The following CDH8 variants were observed in gnomAD, a reference collection of about 807,000 sequenced individuals.
CDH8 encodes cadherin-8.
In CDH8, 17 loss-of-function variants were observed where a neutral mutation model predicts 68.1. That is an observed-to-expected ratio of 0.25 (90% CI 0.17 to 0.37). The LOEUF is 0.37. CDH8 is among the 10% of genes least tolerant of loss of function. The pLI, the probability that CDH8 is intolerant of heterozygous loss-of-function variation, is 1.00. For missense variants in CDH8, 763 were observed against 999.3 expected (o/e 0.76, Z 3.19); for synonymous variants, 372 against 365.1 (o/e 1.02, Z -0.21).
At chr16:61,821,194 C>G (rs1567486169) in intron 5 of CDH8, 81 bp from the exon 6 acceptor site, 1 of 1,070,454 alleles carries the variant, frequency 9.3e-7, no homozygotes, top group Non-Finnish European at 1.4e-6. Context: ...TTTTGGGCAC[C>G]TCCTTTGTTC....
chr16:61,960,012 A>G, intron 2 of CDH8, among the ~76,000 whole-genome samples: 1 of 81,504 alleles, frequency 1.2e-5, no homozygotes, highest in East Asian at 3.8e-4. Context: ...ATATATATAT[A>G]TATACACACA....
intron 2 of CDH8, among the ~76,000 whole-genome samples, chr16:61,964,722 T>C (rs1965217671): frequency 6.6e-6 from 1 of 152,120 alleles, no homozygotes; most frequent in Admixed American, 6.5e-5. Context: ...TGTCCCTCTC[T>C]ACAGAGCACA....
chr16:61,813,926 T>C (rs1962014989), intron 7 of CDH8, among the ~76,000 whole-genome samples: 1 of 152,194 alleles, frequency 6.6e-6, no homozygotes, highest in Non-Finnish European at 1.5e-5. Context: ...ATGAGATCAA[T>C]TAGACTATTT....
intron 1 of CDH8, among the ~76,000 whole-genome samples, chr16:62,035,584 G>C (rs1006106735): frequency 6.6e-6 from 1 of 152,146 alleles, no homozygotes; most frequent in Non-Finnish European, 1.5e-5. Flanking sequence ...CCTCGCCTCG[G>C]AGATGAGGCG....
intron 3 of CDH8, among the ~76,000 whole-genome samples, chr16:61,873,844 T>G (rs1437903798): frequency 6.6e-6 from 1 of 152,104 alleles, no homozygotes; most frequent in Non-Finnish European, 1.5e-5. Flanking sequence ...TCACCTGTGG[T>G]CAGGAGTTCG....
chr16:61,734,656 C>G (rs543462380), intron 8 of CDH8, among the ~76,000 whole-genome samples: 6 of 152,236 alleles, frequency 3.9e-5, no homozygotes, highest in African/African-American at 1.4e-4. Context: ...CTCTCTCTCT[C>G]TGTCTCTCAT....
At chr16:61,976,731 C>G (rs1459968311) in intron 2 of CDH8, among the ~76,000 whole-genome samples, 1 of 152,130 alleles carries the variant, frequency 6.6e-6, no homozygotes, top group Non-Finnish European at 1.5e-5. Flanking sequence ...ACTAAGAACA[C>G]ATCAGTGTAA....
rs545803933 is a variant in CDH8 at position 61,944,071 on chromosome 16, T to C, written c.253-42598A>G. ...CTTCCCTGAATAGGAGTTGTGTGTC[T>C]TTTGGGCAAGCTACTTATTATTTCC... On this transcript the variant is annotated intron_variant, in intron 2 of 11. Coordinates refer to ENST00000577390, the MANE Select transcript of CDH8 (RefSeq NM_001796.5). Among the ~76,000 whole-genome samples the C allele has an allele frequency of 8.5e-5, 13 of 152,334 alleles. No individual in the cohort carries two copies. The South Asian group carries it at 2.3e-3, about 27-fold the overall frequency.
At chr16:62,035,163 T>C (rs1431121937) in intron 1 of CDH8, 1 of 152,216 alleles carries the variant, frequency 6.6e-6, no homozygotes, top group Non-Finnish European at 1.5e-5. Flanking sequence ...CCGGAGTAGG[T>C]CCCTTATGAA....
At chr16:61,729,572 CT>C (rs946448608) in intron 8 of CDH8, among the ~76,000 whole-genome samples, 1 of 151,076 alleles carries the variant, frequency 6.6e-6, no homozygotes, top group Non-Finnish European at 1.5e-5. Context: ...TGATTAACTT[CT>C]TTTTGTAATT....
At chr16:61,724,147 G>T (rs1959274545) in intron 9 of CDH8, among the ~76,000 whole-genome samples, 1 of 150,600 alleles carries the variant, frequency 6.6e-6, no homozygotes, top group African/African-American at 2.4e-5. Flanking sequence ...TTACACTTTT[G>T]AGAATACAAA....
At chr16:61,917,060 T>C (rs1964249720) in intron 2 of CDH8, among the ~76,000 whole-genome samples, 1 of 132,890 alleles carries the variant, frequency 7.5e-6, no homozygotes, top group African/African-American at 3.1e-5. Flanking sequence ...TATTTACCTA[T>C]TAGTGTGTGT....
rs1298410996 is a variant in CDH8, at chr16:61,960,235, A to G, written c.253-58762T>C. 2.1e-5 allele frequency among the ~76,000 whole-genome samples: 2 copies of G among 94,784 alleles called. 1 individual carries two copies. Among genetic ancestry groups the G allele is most frequent in the Non-Finnish European group, 4.0e-5 (2 of 49,520 alleles). 62.2% of individuals were successfully genotyped at this position (94,784 alleles called of 152,430 possible). On this transcript the variant is annotated intron_variant, in intron 2 of 11. Coordinates refer to ENST00000577390, the MANE Select transcript of CDH8 (RefSeq NM_001796.5). ...CATGTGTGTGTGTATACACACATAT[A>G]TACATGTGTGTGTGTATACACATAC...
chr16:61,746,590 CA>C (rs1960029795), intron 8 of CDH8, among the ~76,000 whole-genome samples: 3 of 147,314 alleles, frequency 2.0e-5, no homozygotes, highest in African/African-American at 7.5e-5. Flanking sequence ...CACACACACA[CA>C]CACATTATGA....
intron 6 of CDH8, among the ~76,000 whole-genome samples, 180 bp downstream of exon 6, chr16:61,820,746 A>G (rs1204805917): frequency 6.6e-6 from 1 of 151,886 alleles, no homozygotes; most frequent in Non-Finnish European, 1.5e-5. Flanking sequence ...CAGAAATGTG[A>G]AGGGGGCCCA....
At chr16:62,034,218 C>T (rs764534127) in intron 1 of CDH8, among the ~76,000 whole-genome samples, 3 of 148,996 alleles carry the variant, frequency 2.0e-5, no homozygotes, top group Non-Finnish European at 4.4e-5. Flanking sequence ...CACACACACA[C>T]GCACACGAAG....
chr16:61,845,954 A>AG (rs1253399518), intron 4 of CDH8, among the ~76,000 whole-genome samples: 1 of 152,132 alleles, frequency 6.6e-6, no homozygotes, highest in Non-Finnish European at 1.5e-5. Context: ...TCTAATTGCA[A>AG]GGGGAAAAAA....
At chr16:61,697,883 A>G (rs561686269) in intron 10 of CDH8, among the ~76,000 whole-genome samples, 88 of 152,340 alleles carry the variant, frequency 5.8e-4, no homozygotes, top group African/African-American at 2.0e-3. Flanking sequence ...AGGAAAAACG[A>G]AAAACAACCA....
At chr16:61,891,435 C>A (rs1006110571) in intron 3 of CDH8, among the ~76,000 whole-genome samples, 3 of 152,030 alleles carry the variant, frequency 2.0e-5, no homozygotes, top group African/African-American at 7.2e-5. Context: ...TTTTAGGCAC[C>A]CCTAACAATT....
Sources: allele counts gnomAD v4.1 joint callset (sites outside exome capture counted in the v4.1 genomes callset), GRCh38; gene constraint gnomAD v4.1.1; transcripts MANE v1.5; gene names NCBI Gene and HGNC (gene_info 2026-07-23, HGNC 2026-07-21).